FOCAD: variants seen among roughly 807,000 people sequenced by gnomAD.
The protein encoded by FOCAD is focadhesin, also known as KIAA1797.
In FOCAD, 198 loss-of-function variants were observed where a neutral mutation model predicts 225.6. The observed-to-expected ratio is 0.88, with a 90% CI of 0.78 to 0.99. FOCAD has a LOEUF of 0.99. Among genes scored for constraint, FOCAD ranks in the 50% least tolerant of loss-of-function variants. FOCAD has a pLI of 0.00. For missense variants in FOCAD, 2,713 were observed against 2,123.6 expected (o/e 1.28, Z -5.46); for synonymous variants, 897 against 755.0 (o/e 1.19, Z -3.08).
At chr9:20,904,846 G>C (rs991708095) in intron 21 of FOCAD, among the ~76,000 whole-genome samples, 2 of 151,842 alleles carry the variant, frequency 1.3e-5, no homozygotes, top group African/African-American at 4.8e-5. Flanking sequence ...TAGCAAATTG[G>C]ACATAATTGT....
chr9:20,959,059 G>A (rs1471112193), intron 35 of FOCAD, among the ~76,000 whole-genome samples: 1 of 152,130 alleles, frequency 6.6e-6, no homozygotes, highest in Non-Finnish European at 1.5e-5. Flanking sequence ...CCCAGTAGGA[G>A]GATTATTAGA....
chr9:20,662,716 C>T (rs988170083), intron 2 of FOCAD, among the ~76,000 whole-genome samples: 2 of 152,174 alleles, frequency 1.3e-5, no homozygotes, highest in Non-Finnish European at 2.9e-5. Context: ...TCCCAAAGTG[C>T]TAGGATTACA....
chr9:20,994,598 C>T (rs1036627124), intron 43 of FOCAD, among the ~76,000 whole-genome samples: 1 of 152,214 alleles, frequency 6.6e-6, no homozygotes, highest in Non-Finnish European at 1.5e-5. Flanking sequence ...TGTGCTGCAA[C>T]AGTGCTCCCA....
chr9:20,898,840 T>C (rs1244305676), intron 21 of FOCAD, among the ~76,000 whole-genome samples: 1 of 151,958 alleles, frequency 6.6e-6, no homozygotes, highest in Non-Finnish European at 1.5e-5. Flanking sequence ...TAAATAGGTC[T>C]TTAGTAATGT....
chr9:20,867,890 A>G (rs1219649719), intron 18 of FOCAD, among the ~76,000 whole-genome samples: 1 of 152,012 alleles, frequency 6.6e-6, no homozygotes, highest in East Asian at 1.9e-4. Context: ...GTTTATACTG[A>G]GATTAGATGC....
intron 15 of FOCAD, among the ~76,000 whole-genome samples, chr9:20,852,356 TTAGGGAGTTG>T (rs1458967614): frequency 6.6e-6 from 1 of 151,692 alleles, no homozygotes; most frequent in Non-Finnish European, 1.5e-5. Context: ...TTCCTTGTTA[TTAGGGAGTTG>T]TAGTTAGTTG....
At chr9:20,724,425 A>G (rs1448555741) in intron 4 of FOCAD, among the ~76,000 whole-genome samples, 1 of 152,214 alleles carries the variant, frequency 6.6e-6, no homozygotes, top group Non-Finnish European at 1.5e-5. Context: ...AAGCAAATAT[A>G]GGAGTTTTAA....
chr9:20,966,128 C>A (rs1055931553), intron 35 of FOCAD, among the ~76,000 whole-genome samples: 1 of 152,034 alleles, frequency 6.6e-6, no homozygotes, highest in African/African-American at 2.4e-5. Context: ...TCCACAGTGG[C>A]CGCACTGTTT....
intron 5 of FOCAD, among the ~76,000 whole-genome samples, chr9:20,742,228 C>G (rs1408734392): frequency 1.3e-5 from 2 of 152,124 alleles, no homozygotes; most frequent in Non-Finnish European, 2.9e-5. Flanking sequence ...CGATCAAATA[C>G]CCTAGATAAA....
At chr9:20,750,357 A>C (rs914446240) in intron 5 of FOCAD, among the ~76,000 whole-genome samples, 7 of 152,192 alleles carry the variant, frequency 4.6e-5, no homozygotes, top group African/African-American at 1.4e-4. Context: ...AAACAAACCT[A>C]TCTTGATGAT....
At chr9:20,762,006 A>G (rs1026581115) in intron 6 of FOCAD, among the ~76,000 whole-genome samples, 5 of 152,154 alleles carry the variant, frequency 3.3e-5, no homozygotes, top group African/African-American at 1.2e-4. Flanking sequence ...TAAATAGTAT[A>G]TTGTCCTTAA....
chr9:20,867,330 CT>C (rs2131732491), intron 18 of FOCAD, among the ~76,000 whole-genome samples: 1 of 151,972 alleles, frequency 6.6e-6, no homozygotes, highest in Non-Finnish European at 1.5e-5. Context: ...CAAGCATGGC[CT>C]TCATAGACTA....
chr9:20,929,370 G>C lies in FOCAD; in HGVS notation c.3091G>C (p.Gly1031Arg). ...TGGCATGTCCTAGAAGTCCTATTCT[G>C]GTGAAAACACAGCTAGTGCCATTGC... ...LSWFYYKSYS[G>R]ENTASAIARS... The change falls in exon 27 of 44, where the codon GGT becomes CGT. Residue 1031 changes from glycine to arginine, a missense_variant. Coordinates refer to ENST00000338382, the MANE Select transcript of FOCAD (RefSeq NM_001375567.1). The C allele has an allele frequency of 6.2e-7, 1 of 1,613,942 alleles. No individual in the cohort carries two copies. Among genetic ancestry groups the C allele is most frequent in the Non-Finnish European group, 8.5e-7 (1 of 1,179,866 alleles).
chr9:20,741,490 C>G lies in FOCAD; in HGVS notation c.392+1150C>G, dbSNP rs571983632. On this transcript the variant is annotated intron_variant, in intron 5 of 43. Coordinates refer to ENST00000338382, the MANE Select transcript of FOCAD (RefSeq NM_001375567.1). ...CTTAAGGCATTTTTTTAAACAAAGT[C>G]ATATTTGCATTTTATATTTTTTCTT... Among the ~76,000 whole-genome samples the G allele has an allele frequency of 6.6e-5, 10 of 151,950 alleles. No individual in the cohort carries two copies. In the South Asian group the frequency reaches 2.1e-3, roughly 32 times the overall value.
intron 28 of FOCAD, among the ~76,000 whole-genome samples, chr9:20,942,164 C>T (rs970966740): frequency 2.6e-5 from 4 of 152,110 alleles, no homozygotes; most frequent in Non-Finnish European, 4.4e-5. Flanking sequence ...ACTTAACTGC[C>T]GCTGTAGCAA....
intron 4 of FOCAD, among the ~76,000 whole-genome samples, chr9:20,730,817 A>G (rs1297071256): frequency 6.6e-6 from 1 of 152,174 alleles, no homozygotes; most frequent in Non-Finnish European, 1.5e-5. Flanking sequence ...AAATCTCTGC[A>G]TACATCTGAA....
intron 2 of FOCAD, among the ~76,000 whole-genome samples, chr9:20,673,022 A>T (rs1287712577): frequency 1.3e-5 from 2 of 152,238 alleles, no homozygotes; most frequent in Non-Finnish European, 1.5e-5. Context: ...AGCAGTAAAG[A>T]TACTCAGATT....
rs117028430 is a variant in FOCAD, at chr9:20,926,748, A to C, written c.3078+331A>C. On this transcript the variant is annotated intron_variant, in intron 26 of 43. Transcript: ENST00000338382. The stretch of plus-strand genomic sequence containing the variant: ...TGGTGAGCCAAGATCGCGCCATTGC[A>C]CTGCAGCCTAGGCAACAAGAGAAAA... Among the ~76,000 whole-genome samples, 338 of 151,512 alleles carry C rather than the reference A, an allele frequency of 2.2e-3. 10 individuals carry two copies. In the East Asian group the frequency reaches 0.044, roughly 20 times the overall value.
At chr9:20,742,211 A>G (rs7021708) in intron 5 of FOCAD, among the ~76,000 whole-genome samples, 63,609 of 152,042 alleles carry the variant, frequency 0.42, 13,589 homozygotes, top group East Asian at 0.53. Context: ...AGAGACAAAC[A>G]TGGTAACGAT....
Sources: gnomAD v4.1 joint callset for allele counts (sites outside exome capture counted in the v4.1 genomes callset) on GRCh38, gnomAD v4.1.1 for gene constraint, MANE v1.5 for transcripts, NCBI Gene and HGNC (gene_info 2026-07-23, HGNC 2026-07-21) for gene names.